Variants in MCFD2 observed in about 807,000 individuals in gnomAD.
The protein encoded by MCFD2 is multiple coagulation factor deficiency 2, ER cargo receptor complex subunit, also known as multiple coagulation factor deficiency protein 2.
A neutral mutation model predicts 12.8 loss-of-function variants in MCFD2; 11 were observed. The observed-to-expected ratio is 0.86, with a 90% confidence interval of 0.54 to 1.42. MCFD2 has a LOEUF of 1.42. Ranked by LOEUF, MCFD2 falls within the 40% of genes most tolerant of loss-of-function variation. The pLI is 0.00. For missense variants in MCFD2, 191 were observed against 178.6 expected, an observed-to-expected ratio of 1.07 and a Z score of -0.40; for synonymous variants, 70 against 68.1, an observed-to-expected ratio of 1.03 and a Z score of -0.14.
intron 1 of MCFD2, among the ~76,000 whole-genome samples, chr2:46,933,932 G>C (rs1265216987): frequency 6.6e-6 from 1 of 152,198 alleles, no homozygotes; most frequent in East Asian, 1.9e-4. Context: ...AGAGGCCAGA[G>C]TGGAAGGTGG....
At chr2:46,917,490 A>C (rs6729120), upstream of MCFD2, among the ~76,000 whole-genome samples, 1 of 152,078 alleles carries the variant, frequency 6.6e-6, no homozygotes, top group Non-Finnish European at 1.5e-5. Flanking sequence ...AATATCTTCT[A>C]TGTACTAGGC....
upstream of MCFD2, among the ~76,000 whole-genome samples, chr2:46,919,496 G>T (rs542389200): frequency 6.6e-6 from 1 of 152,374 alleles, no homozygotes; most frequent in South Asian, 2.1e-4. Flanking sequence ...TCGCACCATT[G>T]CTCTTCAGCC....
At position 46,907,164 on chromosome 2, in the gene MCFD2, T is replaced by C. The variant is rs1014992407; in HGVS notation, c.309+646A>G. The C allele has an allele frequency of 6.3e-6, 1 of 157,796 alleles. No individual in the cohort carries two copies. Among genetic ancestry groups the C allele is most frequent in the Non-Finnish European group, 1.4e-5 (1 of 71,600 alleles). The allele number at this position is 157,796 out of a possible 1,614,324, so 9.8% of individuals were successfully genotyped here. A position where few individuals can be genotyped will look rare whatever the true frequency, so the allele number is the denominator to read the frequency against. ...TGAATCCCTTGGTGTCAATTCACCA[T>C]TAAACAACTTCTCCCTTGCTCTGCA... is the stretch of plus-strand genomic sequence containing the variant. On this transcript the variant is annotated intron_variant, in intron 3 of 3. Coordinates refer to ENST00000319466, the MANE Select transcript of MCFD2 (RefSeq NM_139279.6). This position sits in a 1 kb window ranked among gnomAD's most constrained non-coding sequence, Gnocchi z 4.1.
At chr2:46,925,657 T>C (rs1301982021) in intron 1 of MCFD2, among the ~76,000 whole-genome samples, 1 of 152,150 alleles carries the variant, frequency 6.6e-6, no homozygotes, top group Non-Finnish European at 1.5e-5. Context: ...ACAAACCAGT[T>C]CCTAAGCTGA....
chr2:46,911,199 C>G (rs908367395), intron 1 of MCFD2, among the ~76,000 whole-genome samples: 2 of 152,110 alleles, frequency 1.3e-5, no homozygotes, highest in African/African-American at 4.8e-5. Context: ...GCAATCTTGG[C>G]TCACTGCAAC....
intron 1 of MCFD2, among the ~76,000 whole-genome samples, chr2:46,930,506 T>A (rs1241573273): frequency 1.3e-5 from 2 of 149,972 alleles, no homozygotes; most frequent in African/African-American, 2.5e-5. Flanking sequence ...AATTTTTTTT[T>A]TTTTTTTTTT....
At chr2:46,936,323 G>C (rs1669977935) in intron 1 of MCFD2, among the ~76,000 whole-genome samples, 1 of 152,132 alleles carries the variant, frequency 6.6e-6, no homozygotes, top group South Asian at 2.1e-4. Flanking sequence ...GAAGAAGATA[G>C]GTGTAGGTCT....
In MCFD2 at chr2:46,907,720, A is replaced by G. The variant is rs2103742571; in HGVS notation, c.309+90T>C. 1 of 1,392,038 alleles carries G rather than the reference A, an allele frequency of 7.2e-7. No individual in the cohort carries two copies. 86.2% of individuals were successfully genotyped at this position (1,392,038 alleles called of 1,614,324 possible). ...TGGAGAAGCAGCACTCTTGGCACAT[A>G]AGGACAACACAAGTCAACAAGACTG... On this transcript the variant is annotated intron_variant, in intron 3 of 3. Transcript: ENST00000319466. This position sits in a 1 kb window ranked among gnomAD's most constrained non-coding sequence, Gnocchi z 4.1.
Position 46,908,053 on chromosome 2 carries a change from C to G in MCFD2, c.150-84G>C. ...TTAAGGACTCTGAAAAGTTCAAGAT[C>G]TTAAACTTCCTCCAGCTCAGAAAAA... On this transcript the variant is annotated intron_variant, in intron 2 of 3. Coordinates refer to ENST00000319466, the MANE Select transcript of MCFD2 (RefSeq NM_139279.6). The surrounding 1 kb of genome is among the most constrained non-coding windows in gnomAD (Gnocchi z 4.5). 1.4e-6 allele frequency: 2 copies of G among 1,470,712 alleles called. No homozygotes were observed. Among genetic ancestry groups the G allele is most frequent in the Non-Finnish European group, 1.9e-6 (2 of 1,064,502 alleles). 91.1% of individuals were successfully genotyped at this position (1,470,712 alleles called of 1,614,324 possible). A position where few individuals can be genotyped will look rare whatever the true frequency, so the allele number is the denominator to read the frequency against.
At chr2:46,915,355 C>T (rs760225053) in intron 1 of MCFD2, among the ~76,000 whole-genome samples, 1 of 151,956 alleles carries the variant, frequency 6.6e-6, no homozygotes. Flanking sequence ...CCTGTGGTCT[C>T]CCCGAGAGAG....
chr2:46,911,499 C>T (rs1668484931), intron 1 of MCFD2, among the ~76,000 whole-genome samples: 1 of 150,928 alleles, frequency 6.6e-6, no homozygotes, highest in African/African-American at 2.4e-5. Flanking sequence ...GGAAAGAATG[C>T]TCAATATATA....
At chr2:46,935,046 A>AC (rs1352789203) in intron 1 of MCFD2, among the ~76,000 whole-genome samples, 1 of 151,762 alleles carries the variant, frequency 6.6e-6, no homozygotes, top group East Asian at 1.9e-4. Flanking sequence ...TGATCCACCC[A>AC]CCTCGGCCTC....
rs930313677 is a variant in MCFD2 at position 46,902,806 on chromosome 2, C to G, written c.*2657G>C. On this transcript the variant is annotated 3_prime_UTR_variant, in exon 4 of 4. Transcript: ENST00000319466. ...CTTTACAGAATACTGACCATGTTTG[C>G]CTGAAGAGATAGGAACCACCAGGGC... 1.1e-4 allele frequency: 16 copies of G among 152,166 alleles called. No homozygotes were observed. Among genetic ancestry groups the G allele is most frequent in the African/African-American group, 3.9e-4 (16 of 41,424 alleles). 9.4% of individuals were successfully genotyped at this position (152,166 alleles called of 1,614,324 possible). A position where few individuals can be genotyped will look rare whatever the true frequency, so the allele number is the denominator to read the frequency against.
chr2:46,931,200 T>A (rs1669682581), intron 1 of MCFD2, among the ~76,000 whole-genome samples: 1 of 152,236 alleles, frequency 6.6e-6, no homozygotes, highest in Non-Finnish European at 1.5e-5. Context: ...ACTGCAGCTT[T>A]CAGCTGTAGC....
At chr2:46,915,034 G>C (rs978224266) in intron 1 of MCFD2, among the ~76,000 whole-genome samples, 1 of 152,230 alleles carries the variant, frequency 6.6e-6, no homozygotes, top group African/African-American at 2.4e-5. Flanking sequence ...TCAGATTTCT[G>C]TTTTAAGACC....
At chr2:46,910,864 A>G (rs577862873) in intron 1 of MCFD2, 26 of 152,124 alleles carry the variant, frequency 1.7e-4, no homozygotes, top group African/African-American at 6.0e-4. Context: ...ACACAGTCAG[A>G]CCCCCATCTC....
chr2:46,915,806 G>GCCCCCCCCCC (rs1353981164), upstream of MCFD2: 1 of 512,322 alleles, frequency 2.0e-6, no homozygotes, highest in East Asian at 6.3e-4. Flanking sequence ...CCTCGGCTTC[G>GCCCCCCCCCC]CCCCGCCCCC....
intron 1 of MCFD2, among the ~76,000 whole-genome samples, chr2:46,932,810 AG>A (rs1669778929): frequency 6.7e-6 from 1 of 149,710 alleles, no homozygotes; most frequent in Admixed American, 6.7e-5. Flanking sequence ...CTGAGGCAGG[AG>A]GATCGCTTGA....
upstream of MCFD2, chr2:46,916,342 A>C (rs1668788825): frequency 4.5e-6 from 1 of 219,880 alleles, no homozygotes; most frequent in Admixed American, 6.5e-5. Context: ...AAGCTGCGGC[A>C]GCCGCTGTCC....
Sources: gnomAD v4.1 joint callset for allele counts (sites outside exome capture counted in the v4.1 genomes callset) on GRCh38, gnomAD v4.1.1 for gene constraint, Gnocchi (gnomAD v3.1) non-coding constraint, MANE v1.5 for transcripts, NCBI Gene and HGNC (gene_info 2026-07-23, HGNC 2026-07-21) for gene names.